GALNT7: variants seen among roughly 807,000 people sequenced by gnomAD.
GALNT7 encodes N-acetylgalactosaminyltransferase 7.
A neutral mutation model predicts 82.1 loss-of-function variants in GALNT7; 60 were observed. That is an observed-to-expected ratio of 0.73 (90% CI 0.59 to 0.91). The LOEUF is 0.91. Ranked by LOEUF, GALNT7 falls within the 40% of genes least tolerant of loss-of-function variation. The probability of loss-of-function intolerance (pLI) is 0.00; values close to 1 mark genes in which losing one functional copy is unlikely to be tolerated. For synonymous variants in GALNT7, 243 were observed against 275.1 expected (o/e 0.88, Z 1.15); for missense variants, 660 against 804.2 (o/e 0.82, Z 2.17).
At chr4:173,316,463 A>G (rs773207761) in intron 9 of GALNT7, 5 of 152,084 alleles carry the variant, frequency 3.3e-5, no homozygotes, top group Non-Finnish European at 5.9e-5. Context: ...CAAATTGTCT[A>G]CTATGTTTTT....
chr4:173,282,130 T>C (rs972984515), intron 2 of GALNT7, among the ~76,000 whole-genome samples: 3 of 152,204 alleles, frequency 2.0e-5, no homozygotes, highest in African/African-American at 7.2e-5. Flanking sequence ...GAGTAACTTC[T>C]CCTATCAGTA....
intron 5 of GALNT7, among the ~76,000 whole-genome samples, chr4:173,296,206 AT>A (rs1736711781): frequency 1.3e-5 from 2 of 152,130 alleles, no homozygotes; most frequent in African/African-American, 4.8e-5. Context: ...ATACCTGTTG[AT>A]TTTTGTGCCT....
intron 1 of GALNT7, among the ~76,000 whole-genome samples, chr4:173,245,111 G>C (rs963911129): frequency 6.6e-6 from 1 of 150,870 alleles, no homozygotes; most frequent in Non-Finnish European, 1.5e-5. Context: ...ACTGAGCTTG[G>C]AAGAGAATGA....
chr4:173,314,677 A>G (rs1737527925), intron 9 of GALNT7, among the ~76,000 whole-genome samples: 1 of 152,182 alleles, frequency 6.6e-6, no homozygotes, highest in South Asian at 2.1e-4. Flanking sequence ...CATATACAGT[A>G]GATACTCCAA....
intron 1 of GALNT7, among the ~76,000 whole-genome samples, chr4:173,223,302 A>G (rs1348724875): frequency 3.3e-5 from 5 of 152,146 alleles, no homozygotes; most frequent in Admixed American, 2.6e-4. Context: ...TTTCTAACCT[A>G]TATTAATGAT....
chr4:173,170,227 G>C (rs1731815350), intron 1 of GALNT7, among the ~76,000 whole-genome samples: 1 of 152,208 alleles, frequency 6.6e-6, no homozygotes, highest in South Asian at 2.1e-4. Context: ...GGGTATGAGG[G>C]GCTCACGACC....
chr4:173,252,980 G>A (rs535682987), intron 2 of GALNT7, among the ~76,000 whole-genome samples: 3 of 152,160 alleles, frequency 2.0e-5, no homozygotes, highest in East Asian at 1.9e-4. Flanking sequence ...TGGGCTGATC[G>A]CATGAGTCCA....
At chr4:173,217,525 A>C (rs1733510029) in intron 1 of GALNT7, among the ~76,000 whole-genome samples, 1 of 152,204 alleles carries the variant, frequency 6.6e-6, no homozygotes, top group Non-Finnish European at 1.5e-5. Context: ...TAGTTTGTGC[A>C]TTTTAAAACA....
chr4:173,224,373 A>C (rs959676139), intron 1 of GALNT7, among the ~76,000 whole-genome samples: 23 of 152,196 alleles, frequency 1.5e-4, no homozygotes, highest in Admixed American at 1.3e-3. Flanking sequence ...TCAGACCCCA[A>C]ATCAACCATT....
chr4:173,209,516 G>T (rs188787502), intron 1 of GALNT7, among the ~76,000 whole-genome samples: 1 of 152,166 alleles, frequency 6.6e-6, no homozygotes. Context: ...TGACATTTGT[G>T]TAGTTACTTG....
intron 1 of GALNT7, among the ~76,000 whole-genome samples, chr4:173,173,985 G>A (rs1008541167): frequency 2.0e-5 from 3 of 152,112 alleles, no homozygotes; most frequent in African/African-American, 7.2e-5. Context: ...TTCTGCCCTT[G>A]AACATGAGAT....
intron 1 of GALNT7, among the ~76,000 whole-genome samples, chr4:173,208,692 C>T (rs1733178666): frequency 6.6e-6 from 1 of 152,194 alleles, no homozygotes; most frequent in East Asian, 1.9e-4. Context: ...CGTCTCTTCC[C>T]TGTTACAAGT....
intron 1 of GALNT7, among the ~76,000 whole-genome samples, chr4:173,202,690 G>A (rs961538169): frequency 5.9e-5 from 9 of 152,138 alleles, no homozygotes; most frequent in Middle Eastern, 3.4e-3. Context: ...GCTGCCTGGC[G>A]TTTTCTAATA....
intron 1 of GALNT7, among the ~76,000 whole-genome samples, chr4:173,188,091 G>C (rs1369234588): frequency 6.6e-6 from 1 of 152,132 alleles, no homozygotes; most frequent in African/African-American, 2.4e-5. Context: ...TCACCCATGT[G>C]GGGAGCCAAA....
chr4:173,209,775 G>A (rs532948161), intron 1 of GALNT7, among the ~76,000 whole-genome samples: 1 of 152,150 alleles, frequency 6.6e-6, no homozygotes, highest in African/African-American at 2.4e-5. Flanking sequence ...CTTTCCGGGT[G>A]CCAGCACAAA....
At chr4:173,298,013 T>C in intron 5 of GALNT7, 102 bp from the exon 6 acceptor site, 5 of 1,536,378 alleles carry the variant, frequency 3.3e-6, no homozygotes, top group Non-Finnish European at 4.4e-6. Flanking sequence ...ATGTTGAATG[T>C]TTATCTAAGT....
intron 2 of GALNT7, among the ~76,000 whole-genome samples, chr4:173,265,531 A>G (rs1735450003): frequency 1.3e-5 from 2 of 151,680 alleles, no homozygotes; most frequent in East Asian, 1.9e-4. Flanking sequence ...CACCTAGCAC[A>G]TGGTAAGCAG....
intron 1 of GALNT7, among the ~76,000 whole-genome samples, chr4:173,239,506 A>G (rs951605297): frequency 2.6e-5 from 4 of 152,330 alleles, no homozygotes; most frequent in East Asian, 1.9e-4. Context: ...CAGAAGTGCA[A>G]TGTTAGAAAT....
rs377275258 is a variant in GALNT7, at chr4:173,215,299, C to T, written c.127-32681C>T. On this transcript the variant is annotated intron_variant, in intron 1 of 11. Transcript: ENST00000265000. ...AGGCTGGAGAGCAGTGGTGTGATCT[C>T]GGCTCACTGCAATATCCGTCTCCTG... 3.4e-3 allele frequency among the ~76,000 whole-genome samples: 494 copies of T among 147,406 alleles called. 1 individual carries two copies. Among genetic ancestry groups the T allele is most frequent in the African/African-American group, 0.012 (474 of 39,968 alleles).
Sources: allele counts gnomAD v4.1 joint callset (sites outside exome capture counted in the v4.1 genomes callset), GRCh38; gene constraint gnomAD v4.1.1; transcripts MANE v1.5; gene names NCBI Gene and HGNC (gene_info 2026-07-23, HGNC 2026-07-21).